MARCHF1: variants seen among roughly 807,000 people sequenced by gnomAD.
MARCHF1 encodes the protein membrane associated ring-CH-type finger 1.
A neutral mutation model predicts 54.2 loss-of-function variants in MARCHF1; 40 were observed. The observed-to-expected ratio is 0.74, with a 90% CI of 0.57 to 0.96. The LOEUF is 0.96. MARCHF1 is among the 40% of genes least tolerant of loss of function. MARCHF1 has a pLI of 0.00. For synonymous variants in MARCHF1, 236 were observed against 236.3 expected, an observed-to-expected ratio of 1.00 and a Z score of 0.01; for missense variants, 586 against 656.5, an observed-to-expected ratio of 0.89 and a Z score of 1.17.
intron 4 of MARCHF1, among the ~76,000 whole-genome samples, chr4:163,746,556 AGTTATATTTAGTTTTGTAACAAACAG>A (rs1746367804): frequency 6.6e-6 from 1 of 152,154 alleles, no homozygotes; most frequent in South Asian, 2.1e-4. Context: ...GTGTGATAAC[AGTTATATTTAGTTTTGTAACAAACAG>A]CCAAACTGAC....
intron 2 of MARCHF1, among the ~76,000 whole-genome samples, chr4:164,049,807 T>G (rs1754320537): frequency 6.6e-6 from 1 of 152,220 alleles, no homozygotes. Flanking sequence ...ACAGTTTTAT[T>G]TTCACTATTT....
At chr4:163,994,847 A>C (rs1022065826) in intron 2 of MARCHF1, among the ~76,000 whole-genome samples, 4 of 151,506 alleles carry the variant, frequency 2.6e-5, no homozygotes, top group African/African-American at 9.7e-5. Context: ...GTAGAGATAC[A>C]TGTATCTGCT....
intron 4 of MARCHF1, among the ~76,000 whole-genome samples, chr4:163,768,897 C>A (rs981770571): frequency 6.6e-6 from 1 of 152,096 alleles, no homozygotes; most frequent in Non-Finnish European, 1.5e-5. Context: ...GCCATTAGCT[C>A]TTGAATTGAT....
At chr4:163,643,491 T>C (rs1461666434) in intron 5 of MARCHF1, among the ~76,000 whole-genome samples, 2 of 152,120 alleles carry the variant, frequency 1.3e-5, no homozygotes, top group Non-Finnish European at 2.9e-5. Context: ...GCTGAGGTTA[T>C]AGACATAAGC....
intron 9 of MARCHF1, among the ~76,000 whole-genome samples, chr4:163,545,270 C>A (rs182691514): frequency 3.9e-5 from 6 of 152,260 alleles, no homozygotes; most frequent in African/African-American, 1.4e-4. Context: ...TTTTTACAGC[C>A]ATTTGCCTTT....
At chr4:163,767,585 C>T (rs774098596) in intron 4 of MARCHF1, among the ~76,000 whole-genome samples, 46 of 152,096 alleles carry the variant, frequency 3.0e-4, no homozygotes, top group Non-Finnish European at 5.7e-4. Context: ...CCGCCCACCT[C>T]GGCCTCCCAA....
intron 1 of MARCHF1, among the ~76,000 whole-genome samples, chr4:164,147,999 A>G (rs1215316437): frequency 6.6e-6 from 1 of 152,090 alleles, no homozygotes; most frequent in South Asian, 2.1e-4. Flanking sequence ...ATAAAACAAA[A>G]TACATTCATA....
At chr4:164,286,325 A>G (rs993079924) in intron 1 of MARCHF1, among the ~76,000 whole-genome samples, 6 of 152,186 alleles carry the variant, frequency 3.9e-5, no homozygotes, top group African/African-American at 1.2e-4. Context: ...GAATACAACA[A>G]TCAATGAATT....
chr4:163,997,866 T>A (rs1487061951), intron 2 of MARCHF1, among the ~76,000 whole-genome samples: 4 of 151,568 alleles, frequency 2.6e-5, no homozygotes, highest in Non-Finnish European at 3.0e-5. Flanking sequence ...GTCTAGCTAT[T>A]GACTATTTGA....
chr4:163,591,361 C>G (rs1380897038), intron 7 of MARCHF1, among the ~76,000 whole-genome samples: 1 of 151,910 alleles, frequency 6.6e-6, no homozygotes, highest in African/African-American at 2.4e-5. Context: ...TTAAACAGCC[C>G]CTAGTTTTTC....
intron 4 of MARCHF1, among the ~76,000 whole-genome samples, chr4:163,720,138 T>G (rs551851603): frequency 5.3e-5 from 8 of 152,352 alleles, no homozygotes; most frequent in Non-Finnish European, 7.3e-5. Context: ...CTAGGTTTTC[T>G]TCTAGGGTTT....
chr4:163,828,318 T>A (rs957826092), intron 4 of MARCHF1, among the ~76,000 whole-genome samples: 1 of 152,182 alleles, frequency 6.6e-6, no homozygotes, highest in Admixed American at 6.5e-5. Context: ...GTTTTTCAAC[T>A]GATTTTCATA....
intron 2 of MARCHF1, among the ~76,000 whole-genome samples, chr4:164,082,953 A>T (rs990907253): frequency 2.6e-5 from 4 of 152,190 alleles, no homozygotes; most frequent in Non-Finnish European, 5.9e-5. Flanking sequence ...TCAAATCTCA[A>T]ACCCCTTCTC....
chr4:163,990,023 A>G lies in MARCHF1; in HGVS notation c.-247-1314T>C, dbSNP rs1444415473. Among the ~76,000 whole-genome samples, 4 of 152,206 alleles carry G rather than the reference A, an allele frequency of 2.6e-5. 1 individual carries two copies. Among genetic ancestry groups the G allele is most frequent in the Non-Finnish European group, 5.9e-5 (4 of 68,036 alleles). ...ATACAGCAATAATATCATTTCCATT[A>G]TGACATTACAATTTGTTTAAACTCA... On this transcript the variant is annotated intron_variant, in intron 2 of 9. Coordinates refer to ENST00000514618, the MANE Select transcript of MARCHF1 (RefSeq NM_001394959.1).
intron 1 of MARCHF1, among the ~76,000 whole-genome samples, chr4:164,259,439 G>C (rs925163445): frequency 6.6e-6 from 1 of 151,234 alleles, no homozygotes; most frequent in Admixed American, 6.6e-5. Flanking sequence ...AGCTATCCAG[G>C]AGGCTGAGGC....
At chr4:163,986,446 A>T (rs986937877) in intron 3 of MARCHF1, among the ~76,000 whole-genome samples, 4 of 150,950 alleles carry the variant, frequency 2.6e-5, no homozygotes, top group Non-Finnish European at 5.9e-5. Flanking sequence ...CTGTATTTTT[A>T]GTAGAGACAG....
In MARCHF1 at chr4:164,177,009, T is replaced by TATATATATATATATATATATATAC. The variant is rs1553989397; in HGVS notation, c.-322-65348_-322-65347insGTATATATATATATATATATATAT. 1.3e-3 allele frequency among the ~76,000 whole-genome samples: 74 copies of TATATATATATATATATATATATAC among 55,440 alleles called. 3 individuals are homozygous for TATATATATATATATATATATATAC. The highest frequency in any genetic ancestry group is 2.7e-3 in the South Asian group (4 of 1,456). 36.4% of individuals were successfully genotyped at this position (55,440 alleles called of 152,430 possible). ...ATATATATATATATATATATATATATACAAATGATAGAATTAGGCATGTTT... is the reference window on the plus strand; with the variant it reads ...ATATATATATATATATATATATATATATATATATATATATATATATATACACAAATGATAGAATTAGGCATGTTT... On this transcript the variant is annotated intron_variant, in intron 1 of 9. Coordinates refer to ENST00000514618, the MANE Select transcript of MARCHF1 (RefSeq NM_001394959.1).
At chr4:164,239,352 A>G (rs1484589632) in intron 1 of MARCHF1, among the ~76,000 whole-genome samples, 1 of 152,072 alleles carries the variant, frequency 6.6e-6, no homozygotes, top group African/African-American at 2.4e-5. Context: ...GATAGTTCCT[A>G]CCTGTATGGC....
intron 7 of MARCHF1, among the ~76,000 whole-genome samples, chr4:163,587,165 T>C (rs973483933): frequency 1.3e-5 from 2 of 152,238 alleles, no homozygotes; most frequent in Non-Finnish European, 2.9e-5. Flanking sequence ...AAGCAATTTA[T>C]TTTTCTCTTT....
Sources: gnomAD v4.1 joint callset for allele counts (sites outside exome capture counted in the v4.1 genomes callset) on GRCh38, gnomAD v4.1.1 for gene constraint, MANE v1.5 for transcripts, NCBI Gene and HGNC (gene_info 2026-07-23, HGNC 2026-07-21) for gene names.